MTAP: variants seen among roughly 807,000 people sequenced by gnomAD.
MTAP encodes the protein methylthioadenosine phosphorylase.
MTAP carries 33 observed loss-of-function variants against 33.6 expected under a neutral mutation model. That is an observed-to-expected ratio of 0.98 (90% CI 0.74 to 1.31). The LOEUF (loss-of-function observed/expected upper bound fraction) is 1.31, where lower values mean the gene tolerates loss of function less well. Among genes scored for constraint, MTAP ranks in the 40% most tolerant of loss-of-function variants. The pLI is 0.00. For missense variants in MTAP, 367 were observed against 360.0 expected, an observed-to-expected ratio of 1.02 and a Z score of -0.16; for synonymous variants, 148 against 125.7, an observed-to-expected ratio of 1.18 and a Z score of -1.19.
chr9:21,937,783 A>G (rs545761467), downstream of MTAP: 18 of 152,118 alleles, frequency 1.2e-4, no homozygotes, highest in Non-Finnish European at 2.5e-4. Context: ...TTTTAACCTC[A>G]AGCTAAGTAG....
chr9:21,811,687 G>A (rs1824353265), intron 1 of MTAP: 1 of 531,348 alleles, frequency 1.9e-6, no homozygotes, highest in South Asian at 1.4e-5. Flanking sequence ...GCTACTGCTG[G>A]TACTCAGACA....
chr9:21,878,728 G>T (rs1241702412), intron 1 of MTAP, among the ~76,000 whole-genome samples: 1 of 152,142 alleles, frequency 6.6e-6, no homozygotes, highest in East Asian at 1.9e-4. Flanking sequence ...GCTGTTTTGT[G>T]TGTTCCAGAA....
intron 4 of MTAP, among the ~76,000 whole-genome samples, chr9:21,824,609 C>T (rs533665851): frequency 6.6e-6 from 1 of 152,176 alleles, no homozygotes; most frequent in Admixed American, 6.5e-5. Context: ...GCTGGGAGAA[C>T]CACTACTCTC....
chr9:21,915,045 T>TTCCC (rs1818659242), intron 1 of MTAP, among the ~76,000 whole-genome samples: 1 of 112,918 alleles, frequency 8.9e-6, no homozygotes, highest in South Asian at 3.1e-4. Context: ...CCTTCCTTCC[T>TTCCC]TCCTTCCTTC....
intron 1 of MTAP, 27 bp from the exon 2 acceptor site, chr9:21,815,406 A>C: frequency 4.1e-6 from 6 of 1,453,960 alleles, no homozygotes; most frequent in Non-Finnish European, 5.7e-6. Context: ...CAAATACAAT[A>C]ATCTTCTCTG....
intron 3 of MTAP, among the ~76,000 whole-genome samples, chr9:21,817,052 AT>A (rs538201314): frequency 2.4e-3 from 358 of 152,200 alleles, no homozygotes; most frequent in African/African-American, 8.3e-3. Flanking sequence ...TGTTTTGTTC[AT>A]TTTTTTCCCC....
At chr9:21,912,240 C>T (rs1031107820) in intron 1 of MTAP, among the ~76,000 whole-genome samples, 2 of 152,164 alleles carry the variant, frequency 1.3e-5, no homozygotes, top group Admixed American at 6.5e-5. Flanking sequence ...TGAAACTATT[C>T]CAATCAACAG....
At chr9:21,816,588 G>A (rs1587203436) in intron 2 of MTAP, 126 bp from the exon 3 acceptor site, 2 of 722,512 alleles carry the variant, frequency 2.8e-6, no homozygotes, top group East Asian at 5.3e-5. Context: ...ATCAGATCTT[G>A]CCTCTTCTCT....
chr9:21,841,336 G>A (rs956327009), intron 5 of MTAP, among the ~76,000 whole-genome samples: 1 of 152,206 alleles, frequency 6.6e-6, no homozygotes, highest in African/African-American at 2.4e-5. Context: ...GGCCATTACA[G>A]CAACTCATAA....
chr9:21,802,684 T>A lies in MTAP; in HGVS notation c.-65T>A, dbSNP rs1315227952. The A allele has an allele frequency of 6.4e-7, 1 of 1,564,600 alleles. No individual in the cohort carries two copies. Among genetic ancestry groups the A allele is most frequent in the South Asian group, 1.2e-5 (1 of 86,654 alleles). ...AGTGAGGTTGGCACAGCCACCGCTC[T>A]GTGGCTCGCTTGGTTCCCTTAGTCC... On this transcript the variant is annotated 5_prime_UTR_variant, in exon 1 of 8. Coordinates refer to ENST00000644715, the MANE Select transcript of MTAP (RefSeq NM_002451.4).
chr9:21,871,631 A>G (rs991341283), downstream of MTAP, among the ~76,000 whole-genome samples: 5 of 152,202 alleles, frequency 3.3e-5, no homozygotes, highest in Non-Finnish European at 1.5e-5. Context: ...TGTTAAATAA[A>G]TTTATAAATC....
At chr9:21,821,438 C>T (rs908789309) in intron 4 of MTAP, among the ~76,000 whole-genome samples, 7 of 152,016 alleles carry the variant, frequency 4.6e-5, no homozygotes, top group African/African-American at 9.7e-5. Context: ...TATTGATTTG[C>T]GTATGTTGAA....
At chr9:21,890,394 C>G (rs888904049) in intron 1 of MTAP, among the ~76,000 whole-genome samples, 2 of 152,212 alleles carry the variant, frequency 1.3e-5, no homozygotes, top group African/African-American at 4.8e-5. Flanking sequence ...CAGGCCCAGT[C>G]CCTTCTCACC....
chr9:21,882,557 C>A (rs892058347), intron 1 of MTAP, among the ~76,000 whole-genome samples: 1 of 151,980 alleles, frequency 6.6e-6, no homozygotes, highest in Non-Finnish European at 1.5e-5. Flanking sequence ...TTCTATTTTT[C>A]TCTCTTACAA....
intron 1 of MTAP, chr9:21,930,069 T>G (rs911223188): frequency 6.7e-6 from 3 of 447,292 alleles, no homozygotes; most frequent in Non-Finnish European, 1.3e-5. Context: ...ACTTGAAATT[T>G]CTAGTTCCAG....
chr9:21,913,910 C>A (rs1462966472), intron 1 of MTAP, among the ~76,000 whole-genome samples: 1 of 152,182 alleles, frequency 6.6e-6, no homozygotes, highest in African/African-American at 2.4e-5. Flanking sequence ...CCAGAATCCA[C>A]AACGAACTCA....
At chr9:21,825,201 G>C (rs1277732675) in intron 4 of MTAP, among the ~76,000 whole-genome samples, 1 of 152,114 alleles carries the variant, frequency 6.6e-6, no homozygotes, top group Non-Finnish European at 1.5e-5. Context: ...CTCATGCTGG[G>C]AGCTGTAGAC....
chr9:21,871,338 T>C (rs1480277369), downstream of MTAP, among the ~76,000 whole-genome samples: 1 of 152,222 alleles, frequency 6.6e-6, no homozygotes, highest in Non-Finnish European at 1.5e-5. Context: ...GGCTCCTCCT[T>C]GTCTCTGGCC....
At chr9:21,885,113 A>C (rs779312896) in intron 1 of MTAP, among the ~76,000 whole-genome samples, 7 of 152,126 alleles carry the variant, frequency 4.6e-5, no homozygotes, top group Non-Finnish European at 8.8e-5. Context: ...TTTATATATA[A>C]ATTTTATGTG....
Sources: gnomAD v4.1 joint callset for allele counts (sites outside exome capture counted in the v4.1 genomes callset) on GRCh38, gnomAD v4.1.1 for gene constraint, MANE v1.5 for transcripts, NCBI Gene and HGNC (gene_info 2026-07-23, HGNC 2026-07-21) for gene names.